The following BEND2 variants were observed in gnomAD, a reference collection of about 807,000 sequenced individuals.
The protein encoded by BEND2 is BEN domain containing 2, also known as BEN domain-containing protein 2.
BEND2 carries 19 observed loss-of-function variants against 43.8 expected under a neutral mutation model. The observed-to-expected ratio is 0.43, with a 90% confidence interval of 0.30 to 0.64. The LOEUF is 0.64. Ranked by LOEUF, BEND2 falls within the 30% of genes least tolerant of loss-of-function variation. The pLI, the probability that BEND2 is intolerant of heterozygous loss-of-function variation, is 0.11. For synonymous variants in BEND2, 226 were observed against 210.1 expected, an observed-to-expected ratio of 1.08 and a Z score of -0.66; for missense variants, 544 against 574.0, an observed-to-expected ratio of 0.95 and a Z score of 0.53.
intron 7 of BEND2, 41 bp from the exon 8 acceptor site, chrX:18,191,149 T>C (rs779843948): frequency 9.9e-6 from 10 of 1,006,560 alleles, no homozygotes; most frequent in Non-Finnish European, 1.4e-5. Context: ...CATTTTGCAG[T>C]GCTGAAAGAC....
chrX:18,214,006 G>GT (rs57391070), intron 2 of BEND2, 95 bp from the exon 3 acceptor site: 59 of 108,151 alleles, frequency 5.5e-4, no homozygotes, highest in Middle Eastern at 1.7e-3. Context: ...TTTTTAAGCT[G>GT]TTTTTTTTTT....
At chrX:18,181,404 G>C (rs1402903830) in intron 8 of BEND2, among the ~76,000 whole-genome samples, 1 of 110,903 alleles carries the variant, frequency 9.0e-6, no homozygotes, top group East Asian at 2.8e-4. Context: ...GCCAAAACCT[G>C]AAAACAATCC....
chrX:18,220,637 CT>C, intron 1 of BEND2, 88 bp downstream of exon 1: 2 of 1,157,432 alleles, frequency 1.7e-6, no homozygotes, highest in Non-Finnish European at 2.4e-6. Flanking sequence ...CCTGCCGCCC[CT>C]GAATGGCCAC....
rs997916352 is a variant in BEND2, at chrX:18,163,344, C to T, written c.*1665G>A. ...AGGCATTTTGAACTGTGCCATCCAA[C>T]ACAGTAGCCACTATCCACTTGTGGC... On this transcript the variant is annotated 3_prime_UTR_variant, in exon 14 of 14. Transcript: ENST00000380033. The T allele has an allele frequency of 1.8e-5, 2 of 111,688 alleles. No homozygotes were observed. Among genetic ancestry groups the T allele is most frequent in the Non-Finnish European group, 3.8e-5 (2 of 53,167 alleles). The allele number at this position is 111,688 out of a possible 1,213,427, so 9.2% of individuals were successfully genotyped here. A position where few individuals can be genotyped will look rare whatever the true frequency, so the allele number is the denominator to read the frequency against.
chrX:18,214,582 G>C (rs1226525920), intron 2 of BEND2, among the ~76,000 whole-genome samples: 2 of 110,026 alleles, frequency 1.8e-5, no homozygotes, highest in Admixed American at 9.7e-5. Context: ...CCAGCACTTT[G>C]GGGGGCTGAG....
intron 6 of BEND2, among the ~76,000 whole-genome samples, chrX:18,198,836 A>G (rs1340631203): frequency 3.7e-5 from 4 of 108,044 alleles, no homozygotes; most frequent in South Asian, 8.5e-4. Flanking sequence ...GATTAAGAAA[A>G]TGTGGCACAT....
chrX:18,167,365 A>G (rs1923851111), intron 13 of BEND2, among the ~76,000 whole-genome samples: 2 of 111,149 alleles, frequency 1.8e-5, no homozygotes, highest in Admixed American at 9.6e-5. Context: ...GGAGAAACAC[A>G]GTTCAGGAAA....
At chrX:18,166,547 C>T (rs969059487) in intron 13 of BEND2, among the ~76,000 whole-genome samples, 4 of 110,987 alleles carry the variant, frequency 3.6e-5, no homozygotes, top group African/African-American at 9.8e-5. Context: ...GAGGTGGCAG[C>T]GCATAGGACA....
chrX:18,204,824 A>C (rs943914375), intron 4 of BEND2, among the ~76,000 whole-genome samples: 1 of 111,758 alleles, frequency 8.9e-6, no homozygotes, highest in Non-Finnish European at 1.9e-5. Context: ...CTGCACATCA[A>C]GGAAGGTGCT....
Position 18,165,171 on chromosome X carries a change from G to A in BEND2, c.2238C>T (p.Asp746=). The A allele has an allele frequency of 1.7e-6, 2 of 1,210,215 alleles. No individual in the cohort carries two copies. The highest frequency in any genetic ancestry group is 2.2e-6 in the Non-Finnish European group (2 of 895,154). The change falls in exon 14 of 14, where the codon GAC becomes GAT. Residue 746 remains aspartate (D), a synonymous_variant. Coordinates refer to ENST00000380033, the MANE Select transcript of BEND2 (RefSeq NM_153346.5). ...PICDLSENGR[D]WKSCVTSINS... is the part of the protein sequence containing the mutation. ...TGATGGAGGTCACACACGACTTCCA[G>A]TCTCTTCCATTTTCCGAGAGATCAC...
chrX:18,205,548 G>A (rs1403795083), intron 4 of BEND2, among the ~76,000 whole-genome samples: 1 of 89,793 alleles, frequency 1.1e-5, no homozygotes, highest in East Asian at 4.0e-4. Flanking sequence ...TGAGGCTACA[G>A]TGAGCCATGA....
At chrX:18,211,534 G>A (rs1001296190) in intron 4 of BEND2, among the ~76,000 whole-genome samples, 2 of 112,227 alleles carry the variant, frequency 1.8e-5, no homozygotes, top group Non-Finnish European at 3.8e-5. Flanking sequence ...TGTAATCCCA[G>A]GACTTTGGGA....
intron 4 of BEND2, 76 bp from the exon 5 acceptor site, chrX:18,203,991 A>G: frequency 1.0e-6 from 1 of 961,886 alleles, no homozygotes; most frequent in East Asian, 3.1e-5. Flanking sequence ...CATGAGACAT[A>G]CAATCAAAAC....
intron 8 of BEND2, among the ~76,000 whole-genome samples, chrX:18,183,448 T>C (rs1371577574): frequency 8.9e-6 from 1 of 112,523 alleles, no homozygotes; most frequent in East Asian, 2.8e-4. Context: ...GATGGCTAAA[T>C]AGAAGCCTCC....
intron 6 of BEND2, among the ~76,000 whole-genome samples, chrX:18,197,163 G>T (rs187261307): frequency 1.2e-3 from 139 of 112,278 alleles, no homozygotes; most frequent in Middle Eastern, 4.6e-3. Flanking sequence ...GGCTGGGCAC[G>T]GTGGCTCACG....
intron 7 of BEND2, among the ~76,000 whole-genome samples, chrX:18,192,949 G>T (rs1480731360): frequency 9.0e-6 from 1 of 111,356 alleles, no homozygotes; most frequent in African/African-American, 3.3e-5. Flanking sequence ...AGGCCAGCCT[G>T]GCCAACATGG....
intron 13 of BEND2, among the ~76,000 whole-genome samples, chrX:18,169,760 T>G (rs1382247074): frequency 8.9e-6 from 1 of 112,200 alleles, no homozygotes; most frequent in Non-Finnish European, 1.9e-5. Flanking sequence ...TAGGAGAAAT[T>G]TGTTAAAATC....
chrX:18,169,428 A>T (rs1435233155), intron 13 of BEND2, among the ~76,000 whole-genome samples: 2 of 111,301 alleles, frequency 1.8e-5, no homozygotes, highest in Non-Finnish European at 3.8e-5. Context: ...GGTATTTATT[A>T]TATTATTTTC....
Position 18,201,901 on chromosome X carries a change from G to A in BEND2, c.947C>T (p.Thr316Ile), listed in dbSNP as rs1437982956. Reference protein sequence around the residue: ...ERPANSSKNSTETANYPTLMG... With the variant: ...ERPANSSKNSIETANYPTLMG... Reference sequence around the variant, plus strand: ...TAAAGTTGGATAATTCGCTGTCTCAGTGCTGTTTTTACTGCTGTTTGCTGG... The same window carrying A: ...TAAAGTTGGATAATTCGCTGTCTCAATGCTGTTTTTACTGCTGTTTGCTGG... Residue 316 changes from threonine to isoleucine, a missense_variant, in exon 6 of 14, where the codon ACT (threonine) becomes ATT (isoleucine). Transcript: ENST00000380033. 1 of 1,209,889 alleles carries A rather than the reference G, an allele frequency of 8.3e-7. No individual in the cohort carries two copies. Among genetic ancestry groups the A allele is most frequent in the East Asian group, 3.0e-5 (1 of 33,714 alleles).
Sources: allele counts gnomAD v4.1 joint callset (sites outside exome capture counted in the v4.1 genomes callset), GRCh38; gene constraint gnomAD v4.1.1; transcripts MANE v1.5; gene names NCBI Gene and HGNC (gene_info 2026-07-23, HGNC 2026-07-21).